The following TNIK variants were observed in gnomAD, a reference collection of about 807,000 sequenced individuals.
TNIK encodes the protein TRAF2 and NCK-interacting protein kinase.
In TNIK, 49 loss-of-function variants were observed where a neutral mutation model predicts 191.3. The observed-to-expected ratio is 0.26, with a 90% CI of 0.20 to 0.32. The LOEUF (loss-of-function observed/expected upper bound fraction) is 0.32, where lower values mean the gene tolerates loss of function less well. Ranked by LOEUF, TNIK falls within the 10% of genes least tolerant of loss-of-function variation. The pLI is 1.00. For missense variants in TNIK, 1,155 were observed against 1,702.3 expected (o/e 0.68, Z 5.66); for synonymous variants, 594 against 600.9 (o/e 0.99, Z 0.17).
chr3:171,262,798 G>T (rs947903929), intron 2 of TNIK, among the ~76,000 whole-genome samples: 13 of 152,096 alleles, frequency 8.5e-5, no homozygotes, highest in Admixed American at 5.9e-4. Flanking sequence ...CACTATTTCT[G>T]GTTTTTGTTT....
chr3:171,325,412 CTAAT>C (rs972069046), intron 2 of TNIK, among the ~76,000 whole-genome samples: 1 of 152,008 alleles, frequency 6.6e-6, no homozygotes, highest in African/African-American at 2.4e-5. Flanking sequence ...CTAATAAGAA[CTAAT>C]TAACAAGTAA....
chr3:171,346,041 C>G (rs577461888), intron 2 of TNIK, among the ~76,000 whole-genome samples: 26 of 152,022 alleles, frequency 1.7e-4, no homozygotes, highest in Admixed American at 1.7e-3. Flanking sequence ...GTGTTATTTT[C>G]TATAAGGTGG....
rs981478731 is a variant in TNIK, at chr3:171,228,070, A to G, written c.180+95T>C. The stretch of plus-strand genomic sequence containing the variant: ...TTAAATGCATTTTCAACTTAACAAT[A>G]TTTTCTACTTATGATGGGCCTATCA... On this transcript the variant is annotated intron_variant, in intron 3 of 32. Coordinates refer to ENST00000436636, the MANE Select transcript of TNIK (RefSeq NM_015028.4). 17 of 1,387,096 alleles carry G rather than the reference A, an allele frequency of 1.2e-5. No individual in the cohort carries two copies. The East Asian group carries it at 3.5e-4, about 28-fold the overall frequency. The allele number at this position is 1,387,096 out of a possible 1,614,324, so 85.9% of individuals were successfully genotyped here. A position where few individuals can be genotyped will look rare whatever the true frequency, so the allele number is the denominator to read the frequency against.
At chr3:171,202,310 C>T (rs956767770) in intron 4 of TNIK, among the ~76,000 whole-genome samples, 2 of 151,996 alleles carry the variant, frequency 1.3e-5, no homozygotes, top group Non-Finnish European at 2.9e-5. Flanking sequence ...TGCAACTCTG[C>T]ATCTCGGAAT....
At chr3:171,283,486 A>G (rs1750701130) in intron 2 of TNIK, among the ~76,000 whole-genome samples, 1 of 152,210 alleles carries the variant, frequency 6.6e-6, no homozygotes, top group Admixed American at 6.5e-5. Context: ...AATCAGCATC[A>G]CCATTCACCA....
chr3:171,161,302 T>C lies in TNIK; in HGVS notation c.984A>G (p.Glu328=). The stretch of plus-strand genomic sequence containing the variant: ...CTCCTGAGTCATTCTCCTCCTCTTC[T>C]TCCTCACTTCCACTGTACTCATACT... The part of the protein sequence containing the change: ...ETEYEYSGSE[E]EEEENDSGEP... Residue 328 remains glutamate (E), a synonymous_variant, in exon 11 of 33, where the codon GAA becomes GAG. Coordinates refer to ENST00000436636, the MANE Select transcript of TNIK (RefSeq NM_015028.4). 1 of 1,613,510 alleles carries C rather than the reference T, an allele frequency of 6.2e-7. No homozygotes were observed. Among genetic ancestry groups the C allele is most frequent in the Non-Finnish European group, 8.5e-7 (1 of 1,179,538 alleles).
intron 2 of TNIK, among the ~76,000 whole-genome samples, chr3:171,264,087 CACACACACACACACACACACACACAT>C (rs1458364220): frequency 1.4e-4 from 14 of 101,056 alleles, no homozygotes; most frequent in African/African-American, 4.9e-4. Context: ...CACACACACA[CACACACACACACACACACACACACAT>C]ATATATATAT....
chr3:171,377,796 A>C (rs996327159), intron 1 of TNIK, among the ~76,000 whole-genome samples: 32 of 152,356 alleles, frequency 2.1e-4, no homozygotes, highest in African/African-American at 7.7e-4. Flanking sequence ...AATGCATGGC[A>C]GTGCTTAATA....
chr3:171,292,013 AACCCAT>A (rs1386605431), intron 2 of TNIK, among the ~76,000 whole-genome samples: 1 of 152,200 alleles, frequency 6.6e-6, no homozygotes, highest in Non-Finnish European at 1.5e-5. Flanking sequence ...CTATTAATCA[AACCCAT>A]ACAGAGGATT....
rs764169321 is a variant in TNIK at position 171,087,332 on chromosome 3, C to T, written c.2886+10G>A. ...CAGAACTGTCATGTCAGCTGTTGCC[C>T]AGCACCTACTTCAGTCCCAGAGTCC... On this transcript the variant is annotated intron_variant, in intron 24 of 32. Coordinates refer to ENST00000436636, the MANE Select transcript of TNIK (RefSeq NM_015028.4). The T allele has an allele frequency of 1.2e-6, 2 of 1,613,678 alleles. No homozygotes were observed. The highest frequency in any genetic ancestry group is 1.7e-5 in the Admixed American group (1 of 60,022).
At chr3:171,195,158 T>C (rs1738538609) in intron 4 of TNIK, among the ~76,000 whole-genome samples, 1 of 152,158 alleles carries the variant, frequency 6.6e-6, no homozygotes, top group African/African-American at 2.4e-5. Context: ...ATCAAATAAA[T>C]TCAATAAACA....
intron 10 of TNIK, among the ~76,000 whole-genome samples, chr3:171,164,943 A>G (rs140926777): frequency 1.4e-4 from 21 of 152,266 alleles, no homozygotes; most frequent in Non-Finnish European, 2.6e-4. Context: ...ACAATGTATG[A>G]TAGTCTAAGC....
chr3:171,399,139 C>A (rs549092622), intron 1 of TNIK, among the ~76,000 whole-genome samples: 3 of 152,176 alleles, frequency 2.0e-5, no homozygotes, highest in Non-Finnish European at 4.4e-5. Flanking sequence ...CCAAAGCATG[C>A]AGAGAATAGA....
At chr3:171,392,525 G>A (rs531865606) in intron 1 of TNIK, among the ~76,000 whole-genome samples, 47 of 152,102 alleles carry the variant, frequency 3.1e-4, no homozygotes, top group Non-Finnish European at 5.9e-4. Context: ...TCGGCCTGAA[G>A]TCCCAGCACT....
In TNIK at chr3:171,159,212, G is replaced by A. The variant is rs1186743130; in HGVS notation, c.1017-1548C>T. Among the ~76,000 whole-genome samples the A allele has an allele frequency of 6.6e-6, 1 of 152,040 alleles. No homozygotes were observed. The highest frequency in any genetic ancestry group is 1.5e-5 in the Non-Finnish European group (1 of 68,016). On this transcript the variant is annotated intron_variant, in intron 11 of 32. Coordinates refer to ENST00000436636, the MANE Select transcript of TNIK (RefSeq NM_015028.4). The surrounding 1 kb of genome is among the most constrained non-coding windows in gnomAD (Gnocchi z 4.1). ...GGGCGAGAGCAGAGCGGGTGGAGGA[G>A]GGAAGGAGCGTTTGGGGATAGAGGT...
chr3:171,231,083 A>T (rs1283205348), intron 2 of TNIK, among the ~76,000 whole-genome samples: 1 of 152,200 alleles, frequency 6.6e-6, no homozygotes, highest in Non-Finnish European at 1.5e-5. Flanking sequence ...ATAATTTGTT[A>T]CAAGGACACC....
chr3:171,091,081 G>C (rs1456109289), intron 23 of TNIK, among the ~76,000 whole-genome samples: 1 of 152,130 alleles, frequency 6.6e-6, no homozygotes, highest in Non-Finnish European at 1.5e-5. Context: ...GTTTGATGAT[G>C]GTTAATTTTA....
intron 2 of TNIK, among the ~76,000 whole-genome samples, chr3:171,322,969 C>G (rs564671180): frequency 6.6e-6 from 1 of 151,296 alleles, no homozygotes; most frequent in East Asian, 1.9e-4. Flanking sequence ...GGGGAGAAAA[C>G]GTTTTAAAAG....
chr3:171,288,845 A>G (rs1751357126), intron 2 of TNIK, among the ~76,000 whole-genome samples: 1 of 151,540 alleles, frequency 6.6e-6, no homozygotes, highest in African/African-American at 2.4e-5. Context: ...GCAGATTTGA[A>G]GCACTAACAA....
Sources: allele counts gnomAD v4.1 joint callset (sites outside exome capture counted in the v4.1 genomes callset), GRCh38; gene constraint gnomAD v4.1.1; non-coding constraint Gnocchi (gnomAD v3.1); transcripts MANE v1.5; gene names NCBI Gene and HGNC (gene_info 2026-07-23, HGNC 2026-07-21).